The following MORC4 variants were observed in gnomAD, a reference collection of about 807,000 sequenced individuals.
The protein encoded by MORC4 is MORC family CW-type zinc finger 4.
A neutral mutation model predicts 65.5 loss-of-function variants in MORC4; 22 were observed. The ratio of observed to expected loss-of-function variants is 0.34; its 90% confidence interval spans 0.24 to 0.48. The LOEUF is 0.48. MORC4 is among the 20% of genes least tolerant of loss of function. The pLI is 0.99. For missense variants in MORC4, 624 were observed against 703.0 expected, an observed-to-expected ratio of 0.89 and a Z score of 1.27; for synonymous variants, 267 against 255.8, an observed-to-expected ratio of 1.04 and a Z score of -0.42.
intron 2 of MORC4, among the ~76,000 whole-genome samples, chrX:106,994,477 A>G (rs149349203): frequency 0.014 from 1,569 of 112,157 alleles, 31 homozygotes; most frequent in African/African-American, 0.048. Flanking sequence ...TTGTTCTATT[A>G]CTACTGATCA....
At position 106,942,657 on chromosome X, in the gene MORC4, A is replaced by G. The variant is rs367972076; in HGVS notation, c.2234T>C (p.Ile745Thr). 37 of 1,209,202 alleles carry G rather than the reference A, an allele frequency of 3.1e-5. No individual in the cohort carries two copies. The highest frequency in any genetic ancestry group is 3.5e-5 in the Non-Finnish European group (31 of 894,871). The part of the protein sequence containing the change: ...VASAAIPAAA[I>T]GEKARGYEES... ...CTCATAGCCTCTTGCTTTCTCCCCA[A>G]TGGCTGCAGCAGGGATTGCAGCAGA... Residue 745 changes from isoleucine (I) to threonine (T), a missense_variant, in exon 15 of 17, where the codon ATT becomes ACT. Transcript: ENST00000355610.
At chrX:106,961,186 A>G (rs1934234606) in intron 10 of MORC4, among the ~76,000 whole-genome samples, 1 of 112,364 alleles carries the variant, frequency 8.9e-6, no homozygotes, top group African/African-American at 3.2e-5. Flanking sequence ...ACTATATGCC[A>G]GTCACTGTGC....
rs748061859 is a variant in MORC4 at position 106,941,990 on chromosome X, G to A, written c.2608C>T (p.Leu870=). The part of the protein sequence containing the change: ...LKETETHLEM[L]QKAQVSYRTP... ...CGGTAGGAGACCTGAGCCTTCTGCA[G>A]CATTTCCAGGTGTGTCTCTGTTTCC... The change falls in exon 16 of 17, where the codon CTG becomes TTG. Residue 870 remains leucine (L), a synonymous_variant. Transcript: ENST00000355610. 1.7e-6 allele frequency: 2 copies of A among 1,211,091 alleles called. No individual in the cohort carries two copies. The highest frequency in any genetic ancestry group is 4.3e-5 in the Admixed American group (2 of 46,019).
intron 3 of MORC4, among the ~76,000 whole-genome samples, chrX:106,986,935 G>A (rs1934881382): frequency 9.0e-6 from 1 of 111,541 alleles, no homozygotes; most frequent in African/African-American, 3.3e-5. Context: ...AGCTTAATCT[G>A]GAAGCCAGAA....
intron 7 of MORC4, among the ~76,000 whole-genome samples, chrX:106,980,210 T>TACCTTTGCAC (rs1182248045): frequency 2.7e-5 from 3 of 111,458 alleles, no homozygotes; most frequent in Admixed American, 9.6e-5. Context: ...ATTTCCATAG[T>TACCTTTGCAC]TCATCTTAAG....
At chrX:106,945,117 C>G (rs1157212675) in intron 14 of MORC4, among the ~76,000 whole-genome samples, 1 of 111,862 alleles carries the variant, frequency 8.9e-6, no homozygotes, top group Admixed American at 9.5e-5. Context: ...TGTATTGCCT[C>G]ATCTAATTCT....
intron 9 of MORC4, among the ~76,000 whole-genome samples, chrX:106,962,623 C>T (rs1014979402): frequency 9.0e-6 from 1 of 111,718 alleles, no homozygotes; most frequent in East Asian, 2.8e-4. Context: ...CATCCAAATG[C>T]TGATCATAGT....
Position 106,962,122 on chromosome X carries a change from T to C in MORC4, c.1158-12A>G. 8.7e-7 allele frequency: 1 copy of C among 1,148,975 alleles called. No individual in the cohort carries two copies. The highest frequency in any genetic ancestry group is 1.2e-6 in the Non-Finnish European group (1 of 840,980). The allele number at this position is 1,148,975 out of a possible 1,213,427, so 94.7% of individuals were successfully genotyped here. A position where few individuals can be genotyped will look rare whatever the true frequency, so the allele number is the denominator to read the frequency against. On this transcript the variant is annotated splice_polypyrimidine_tract_variant and intron_variant, in intron 9 of 16. Transcript: ENST00000355610. ...CATTTATTGTTAGCCTGAAAGAAAA[T>C]GCAAGAAGTATGTCAAAGTTTAGCA... is the stretch of plus-strand genomic sequence containing the variant.
chrX:106,999,422 G>A (rs932790240), intron 2 of MORC4, among the ~76,000 whole-genome samples: 1 of 111,674 alleles, frequency 9.0e-6, no homozygotes, highest in African/African-American at 3.3e-5. Flanking sequence ...CGAACGTCAC[G>A]AGCGCGAGAG....
At chrX:106,959,896 G>A (rs1421651516) in intron 10 of MORC4, among the ~76,000 whole-genome samples, 1 of 112,565 alleles carries the variant, frequency 8.9e-6, no homozygotes, top group Non-Finnish European at 1.9e-5. Context: ...TTAAAAACTA[G>A]AAAATAGAGA....
intron 10 of MORC4, among the ~76,000 whole-genome samples, chrX:106,961,115 C>A (rs1207718190): frequency 9.0e-6 from 1 of 111,068 alleles, no homozygotes; most frequent in Non-Finnish European, 1.9e-5. Flanking sequence ...TGGTACAATC[C>A]CAGCAATATT....
intron 9 of MORC4, among the ~76,000 whole-genome samples, chrX:106,971,476 T>A (rs1934509020): frequency 8.9e-6 from 1 of 112,072 alleles, no homozygotes; most frequent in African/African-American, 3.2e-5. Flanking sequence ...GGGATGTAAT[T>A]AAACTAAAGA....
chrX:106,953,687 T>C (rs1459624283), intron 14 of MORC4, among the ~76,000 whole-genome samples: 1 of 111,387 alleles, frequency 9.0e-6, no homozygotes, highest in Non-Finnish European at 1.9e-5. Context: ...GAGATTTCGC[T>C]GTGTTGTCCA....
chrX:106,955,239 TAG>T (rs1934080156), intron 13 of MORC4, 151 bp from the exon 14 acceptor site: 2 of 437,082 alleles, frequency 4.6e-6, no homozygotes, highest in Non-Finnish European at 7.6e-6. Context: ...TAATGTACAC[TAG>T]AACACTGAAC....
chrX:106,996,589 G>C (rs930383294), intron 2 of MORC4, among the ~76,000 whole-genome samples: 2 of 111,327 alleles, frequency 1.8e-5, no homozygotes, highest in Non-Finnish European at 3.8e-5. Context: ...TTGGATCCCA[G>C]AAAATCTATC....
intron 7 of MORC4, among the ~76,000 whole-genome samples, chrX:106,980,529 A>G (rs1320428855): frequency 9.0e-6 from 1 of 111,639 alleles, no homozygotes; most frequent in African/African-American, 3.2e-5. Flanking sequence ...AAACCAAATA[A>G]TGTGTATTAT....
At chrX:106,957,042 C>A in intron 11 of MORC4, 38 bp from the exon 12 acceptor site, 1 of 961,900 alleles carries the variant, frequency 1.0e-6, no homozygotes, top group Non-Finnish European at 1.5e-6. Flanking sequence ...TGGAAAAAAA[C>A]TGGGTCCTTC....
At chrX:106,974,727 T>C (rs1403756977) in intron 9 of MORC4, among the ~76,000 whole-genome samples, 1 of 112,086 alleles carries the variant, frequency 8.9e-6, no homozygotes, top group Non-Finnish European at 1.9e-5. Context: ...CTGGTATCTC[T>C]TTTATCATTT....
Position 106,955,053 on chromosome X carries a change from T to G in MORC4, c.1545A>C (p.Gln515His). The stretch of plus-strand genomic sequence containing the variant: ...TCTTGTTATTCAATCCAGCCATTTC[T>G]TGAACAGTAAGGATCTTTGGTGGAT... The part of the protein sequence containing the change: ...FSNPPKILTV[Q>H]EMAGLNNKTI... Residue 515 changes from glutamine (Q) to histidine (H), a missense_variant, in exon 14 of 17, where the codon CAA (glutamine) becomes CAC (histidine). Physicochemically the swap from Gln to His is conservative, Grantham distance 24. Transcript: ENST00000355610. 8.3e-7 allele frequency: 1 copy of G among 1,205,946 alleles called. No homozygotes were observed. Among genetic ancestry groups the G allele is most frequent in the Non-Finnish European group, 1.1e-6 (1 of 891,887 alleles).
Sources: gnomAD v4.1 joint callset for allele counts (sites outside exome capture counted in the v4.1 genomes callset) on GRCh38, gnomAD v4.1.1 for gene constraint, MANE v1.5 for transcripts, NCBI Gene and HGNC (gene_info 2026-07-23, HGNC 2026-07-21) for gene names.